Variants in XKRX observed in about 807,000 individuals in gnomAD.
XKRX encodes XK-related protein 2.
XKRX carries 11 observed loss-of-function variants against 22.4 expected under a neutral mutation model. The ratio of observed to expected loss-of-function variants is 0.49; its 90% CI spans 0.31 to 0.81. The LOEUF (loss-of-function observed/expected upper bound fraction) is 0.81, where lower values mean the gene tolerates loss of function less well. Ranked by LOEUF, XKRX falls within the 40% of genes least tolerant of loss-of-function variation. XKRX has a pLI of 0.05. For missense variants in XKRX, 320 were observed against 336.5 expected, an observed-to-expected ratio of 0.95 and a Z score of 0.38; for synonymous variants, 114 against 132.2, an observed-to-expected ratio of 0.86 and a Z score of 0.94.
intron 1 of XKRX, 39 bp downstream of exon 1, chrX:100,927,931 G>T: frequency 8.7e-7 from 1 of 1,147,336 alleles, no homozygotes; most frequent in African/African-American, 1.8e-5. Context: ...GTCTGGGGTG[G>T]GGTTAGGGGG....
At chrX:100,906,579 A>T in the XKRX span, among the ~76,000 whole-genome samples, 3 of 112,171 alleles carry the variant, frequency 2.7e-5, no homozygotes, top group Non-Finnish European at 3.8e-5. Context: ...CTGTTAAAAA[A>T]ATTATCTTAA....
chrX:100,922,636 G>T (rs2085478625), intron 2 of XKRX, among the ~76,000 whole-genome samples, 157 bp downstream of exon 2: 1 of 112,586 alleles, frequency 8.9e-6, no homozygotes, highest in South Asian at 3.7e-4. Flanking sequence ...CTGAGAACTT[G>T]AAATGTAGCT....
At chrX:100,957,765 T>A in the XKRX span, among the ~76,000 whole-genome samples, 3 of 112,374 alleles carry the variant, frequency 2.7e-5, no homozygotes, top group Non-Finnish European at 5.6e-5. Flanking sequence ...CAAATTAAAA[T>A]CTCGTATTTG....
chrX:100,927,813 G>A (rs59361475), intron 1 of XKRX, among the ~76,000 whole-genome samples, 157 bp downstream of exon 1: 3,335 of 111,329 alleles, frequency 0.03, 115 homozygotes, highest in African/African-American at 0.1. Context: ...TAAGATTTCA[G>A]GTAAGTTTTC....
In XKRX at chrX:100,914,154, A is replaced by T. The variant is rs1602410156; in HGVS notation, c.*184T>A. The stretch of plus-strand genomic sequence containing the variant: ...TATAGTCGATACCCCCTGTTTCCAA[A>T]CATAGTGGTAACTCTTAAGAAAATA... On this transcript the variant is annotated 3_prime_UTR_variant, in exon 3 of 3. Transcript: ENST00000372956. The T allele has an allele frequency of 3.8e-6, 2 of 521,041 alleles. No individual in the cohort carries two copies. The highest frequency in any genetic ancestry group is 6.6e-5 in the East Asian group (2 of 30,212). 42.9% of individuals were successfully genotyped at this position (521,041 alleles called of 1,213,427 possible). A position where few individuals can be genotyped will look rare whatever the true frequency, so the allele number is the denominator to read the frequency against.
Position 100,928,843 on chromosome X carries a change from T to C in XKRX, c.-539A>G. The C allele has an allele frequency of 1.3e-6, 1 of 755,338 alleles. No individual in the cohort carries two copies. The highest frequency in any genetic ancestry group is 1.6e-6 in the Non-Finnish European group (1 of 640,223). The allele number at this position is 755,338 out of a possible 1,213,427, so 62.2% of individuals were successfully genotyped here. A position where few individuals can be genotyped will look rare whatever the true frequency, so the allele number is the denominator to read the frequency against. On this transcript the variant is annotated 5_prime_UTR_variant, in exon 1 of 3. Coordinates refer to ENST00000372956, the MANE Select transcript of XKRX (RefSeq NM_212559.3). The stretch of plus-strand genomic sequence containing the variant: ...GGGCAGAAGAGGGGATTCAGTTCAG[T>C]GCCTAGGTATCCTAGCTATTGCTAG...
the XKRX span, among the ~76,000 whole-genome samples, chrX:100,952,912 G>A: frequency 8.9e-4 from 100 of 112,358 alleles, no homozygotes; most frequent in African/African-American, 3.1e-3. Context: ...CTATGCACGT[G>A]TTAAAACTGC....
At chrX:100,892,196 A>C in the XKRX span, among the ~76,000 whole-genome samples, 1 of 112,498 alleles carries the variant, frequency 8.9e-6, no homozygotes, top group African/African-American at 3.2e-5. Context: ...AAAGAAAACA[A>C]ATAACTCAAT....
chrX:100,942,462 T>C, the XKRX span, among the ~76,000 whole-genome samples: 1 of 111,704 alleles, frequency 9.0e-6, no homozygotes, highest in African/African-American at 3.3e-5. Context: ...CTTAACAGCC[T>C]GGGGAATTTA....
the XKRX span, among the ~76,000 whole-genome samples, chrX:100,887,377 A>C: frequency 8.9e-6 from 1 of 112,543 alleles, no homozygotes; most frequent in Non-Finnish European, 1.9e-5. Context: ...AAGGAAAAAA[A>C]TCTACATTAA....
At chrX:100,918,424 C>T (rs925802990) in intron 2 of XKRX, among the ~76,000 whole-genome samples, 4 of 111,695 alleles carry the variant, frequency 3.6e-5, no homozygotes, top group African/African-American at 1.3e-4. Context: ...CGATGCTTTC[C>T]CTTACATTAG....
chrX:100,924,082 C>G (rs1257733669), intron 1 of XKRX, among the ~76,000 whole-genome samples: 1 of 102,475 alleles, frequency 9.8e-6, no homozygotes, highest in East Asian at 3.1e-4. Context: ...GAACTCCTGA[C>G]CTCAGGTGAT....
chrX:100,952,489 A>G, the XKRX span, among the ~76,000 whole-genome samples: 1 of 111,506 alleles, frequency 9.0e-6, no homozygotes, highest in African/African-American at 3.3e-5. Context: ...GATTCAACAT[A>G]GTACTGGAAG....
the XKRX span, among the ~76,000 whole-genome samples, chrX:100,898,773 C>T: frequency 9.0e-6 from 1 of 110,556 alleles, no homozygotes; most frequent in Non-Finnish European, 1.9e-5. Context: ...GGACTACCCC[C>T]CAAAAAAGAG....
chrX:100,931,595 A>G (rs1219051230), upstream of XKRX, among the ~76,000 whole-genome samples: 1 of 111,493 alleles, frequency 9.0e-6, no homozygotes, highest in Non-Finnish European at 1.9e-5. Flanking sequence ...CTACTGGCAC[A>G]TGCTCTCTCA....
chrX:100,957,121 T>C, the XKRX span: 1 of 1,156,373 alleles, frequency 8.6e-7, no homozygotes, highest in Non-Finnish European at 1.2e-6. Flanking sequence ...CCTGCCATTG[T>C]TTATGCCAAC....
the XKRX span, chrX:100,956,582 G>A: frequency 1.7e-5 from 8 of 467,673 alleles, no homozygotes; most frequent in African/African-American, 1.7e-4. Context: ...GGATAGGAGG[G>A]TTAGACTGGA....
At chrX:100,904,282 GAAAC>G in the XKRX span, among the ~76,000 whole-genome samples, 23 of 110,764 alleles carry the variant, frequency 2.1e-4, no homozygotes, top group African/African-American at 4.0e-4. Context: ...TACACATGCA[GAAAC>G]AAACAAACAA....
downstream of XKRX, chrX:100,911,394 T>C: frequency 5.0e-6 from 4 of 794,886 alleles, no homozygotes; most frequent in Admixed American, 8.8e-5. Context: ...AAACTGGGAC[T>C]TGTGACGCAA....
Sources: allele counts gnomAD v4.1 joint callset (sites outside exome capture counted in the v4.1 genomes callset), GRCh38; gene constraint gnomAD v4.1.1; transcripts MANE v1.5; gene names NCBI Gene and HGNC (gene_info 2026-07-23, HGNC 2026-07-21).